The following DLGAP5 variants were observed in gnomAD, a reference collection of about 807,000 sequenced individuals.
DLGAP5 encodes disks large-associated protein 5.
Under a neutral mutation model 99.6 loss-of-function variants are expected in DLGAP5, and 90 were observed. That is an observed-to-expected ratio of 0.90 (90% CI 0.76 to 1.08). The LOEUF (loss-of-function observed/expected upper bound fraction) is 1.08. Ranked by LOEUF, DLGAP5 falls within the 50% of genes least tolerant of loss-of-function variation. The pLI is 0.00. For synonymous variants in DLGAP5, 311 were observed against 321.3 expected, an observed-to-expected ratio of 0.97 and a Z score of 0.34; for missense variants, 1,036 against 983.5, an observed-to-expected ratio of 1.05 and a Z score of -0.71.
At chr14:55,190,289 T>TACACAC (rs142940996) in intron 1 of DLGAP5, among the ~76,000 whole-genome samples, 9,347 of 147,354 alleles carry the variant, frequency 0.063, 289 homozygotes, top group South Asian at 0.084. Context: ...AGAAAAGCCA[T>TACACAC]ACACACACAC....
At chr14:55,156,670 A>G (rs2140307130) in intron 14 of DLGAP5, among the ~76,000 whole-genome samples, 1 of 152,378 alleles carries the variant, frequency 6.6e-6, no homozygotes, top group African/African-American at 2.4e-5. Flanking sequence ...GTGAGAGATC[A>G]CCAGATTCCC....
intron 3 of DLGAP5, 138 bp from the exon 4 acceptor site, chr14:55,182,570 C>T: frequency 3.4e-6 from 2 of 590,210 alleles, no homozygotes; most frequent in Non-Finnish European, 2.8e-6. Flanking sequence ...TACTTAAATT[C>T]CTTTTTCTGG....
chr14:55,160,067 G>A (rs539661241), intron 13 of DLGAP5, among the ~76,000 whole-genome samples: 15 of 152,172 alleles, frequency 9.9e-5, no homozygotes, highest in African/African-American at 3.4e-4. Context: ...AGCTGGGCAA[G>A]GTGGCACATG....
In DLGAP5 at chr14:55,150,031, T is replaced by C. The variant is rs543515992; in HGVS notation, c.2418+768A>G. The stretch of plus-strand genomic sequence containing the variant: ...TCACACCATTGTACCCCAGCCTGGG[T>C]GCAAGAGTGAAACTCTGTCTCAAAA... On this transcript the variant is annotated intron_variant, in intron 18 of 18. Transcript: ENST00000247191. 3.5e-5 allele frequency among the ~76,000 whole-genome samples: 5 copies of C among 144,562 alleles called. No homozygotes were observed. In the East Asian group the frequency reaches 1.0e-3, roughly 29 times the overall value. 94.8% of individuals were successfully genotyped at this position (144,562 alleles called of 152,430 possible).
chr14:55,158,653 T>C lies in DLGAP5; in HGVS notation c.1742A>G (p.Asn581Ser), dbSNP rs773805210. ...AARNRLAAIK[N>S]AMRERIRQEE... ...CTGCCTAATTCTCTCTCTCATTGCA[T>C]TTTTTATGGCAGCTAGGCGATTTCT... The change falls in exon 14 of 19, where the codon AAT becomes AGT. Residue 581 changes from asparagine to serine, a missense_variant. By Grantham distance (46) the Asn-to-Ser change is conservative. Transcript: ENST00000247191. 1.9e-5 allele frequency: 31 copies of C among 1,613,988 alleles called. No individual in the cohort carries two copies. The highest frequency in any genetic ancestry group is 2.5e-5 in the Non-Finnish European group (30 of 1,179,982).
intron 8 of DLGAP5, 90 bp from the exon 9 acceptor site, chr14:55,176,108 G>T (rs987219255): frequency 3.5e-6 from 4 of 1,153,446 alleles, no homozygotes; most frequent in Non-Finnish European, 4.7e-6. Context: ...TTGTAGATCT[G>T]GGCTAAAATA....
At chr14:55,170,629 AT>A in intron 11 of DLGAP5, 72 bp downstream of exon 11, 1 of 1,324,962 alleles carries the variant, frequency 7.5e-7, no homozygotes, top group Non-Finnish European at 1.1e-6. Flanking sequence ...GCAATGCTAT[AT>A]TTTTATGTTT....
At position 55,158,732 on chromosome 14, in the gene DLGAP5, C is replaced by G. The variant is rs1457904838; in HGVS notation, c.1663G>C (p.Val555Leu). ...MNKNVFRKKV[V>L]SGIASKPKQD... is the part of the protein sequence containing the mutation. ...TTTGGTTTACTTGCTATACCTGAGACAACTTTTTTCTGCAAAGAGAAACTA... is the reference window on the plus strand; with the variant it reads ...TTTGGTTTACTTGCTATACCTGAGAGAACTTTTTTCTGCAAAGAGAAACTA... Residue 555 changes from valine (V) to leucine (L), a missense_variant, in exon 14 of 19, where the codon GTC (valine) becomes CTC (leucine). Transcript: ENST00000247191. 6.2e-7 allele frequency: 1 copy of G among 1,612,708 alleles called. No individual in the cohort carries two copies. Among genetic ancestry groups the G allele is most frequent in the Non-Finnish European group, 8.5e-7 (1 of 1,179,036 alleles).
chr14:55,151,983 T>C (rs1882035695), intron 16 of DLGAP5, 42 bp from the exon 17 acceptor site: 2 of 1,567,672 alleles, frequency 1.3e-6, no homozygotes, highest in Non-Finnish European at 1.7e-6. Context: ...TCAATTTAAT[T>C]ACTTGGAACA....
At chr14:55,151,967 T>C (rs780695791) in intron 16 of DLGAP5, 26 bp from the exon 17 acceptor site, 1 of 1,586,158 alleles carries the variant, frequency 6.3e-7, no homozygotes, top group Non-Finnish European at 8.6e-7. Context: ...GCATTATATT[T>C]AATTATCAAT....
chr14:55,175,326 C>T lies in DLGAP5; in HGVS notation c.1301+20G>A, dbSNP rs763666070. ...TAGATATTAATACAAAATTCTTACACTAGAAACACACAGACATACCTGAAA... is the reference window on the plus strand; with the variant it reads ...TAGATATTAATACAAAATTCTTACATTAGAAACACACAGACATACCTGAAA... On this transcript the variant is annotated intron_variant, in intron 10 of 18. Transcript: ENST00000247191. The T allele has an allele frequency of 1.9e-6, 3 of 1,598,354 alleles. No individual in the cohort carries two copies. The East Asian group carries it at 6.8e-5, about 36-fold the overall frequency.
At chr14:55,164,921 CAAA>C (rs764017142) in intron 12 of DLGAP5, among the ~76,000 whole-genome samples, 4 of 39,198 alleles carry the variant, frequency 1.0e-4, no homozygotes, top group Non-Finnish European at 1.4e-4. Context: ...GACTCTGTCT[CAAA>C]AAAAAAAAAA....
intron 10 of DLGAP5, among the ~76,000 whole-genome samples, chr14:55,171,025 G>T (rs1202933256): frequency 1.3e-5 from 2 of 152,132 alleles, no homozygotes; most frequent in African/African-American, 4.8e-5. Context: ...ATAATACCAA[G>T]AACCTACTTT....
intron 14 of DLGAP5, among the ~76,000 whole-genome samples, chr14:55,158,278 TAGAA>T (rs1405909375): frequency 6.6e-6 from 1 of 152,352 alleles, no homozygotes; most frequent in East Asian, 1.9e-4. Context: ...TGAAATCACT[TAGAA>T]AGTAGAAAAG....
rs747521730 is a variant in DLGAP5, at chr14:55,170,684, A to T, written c.1387+18T>A. ...GTAAAAGAAACAAAGCAAACAAAAA[A>T]TACAAATGTTGCCTCACCATCATCT... On this transcript the variant is annotated intron_variant, in intron 11 of 18. Transcript: ENST00000247191. 6.2e-7 allele frequency: 1 copy of T among 1,600,626 alleles called. No homozygotes were observed. The highest frequency in any genetic ancestry group is 1.1e-5 in the South Asian group (1 of 90,256).
intron 12 of DLGAP5, among the ~76,000 whole-genome samples, chr14:55,165,141 C>T (rs1005371833): frequency 2.6e-5 from 4 of 152,072 alleles, no homozygotes; most frequent in African/African-American, 9.7e-5. Flanking sequence ...AAAAGATTTA[C>T]ACAGACATCT....
rs188445876 is a variant in DLGAP5 at position 55,176,436 on chromosome 14, A to C, written c.1050-418T>G. On this transcript the variant is annotated intron_variant, in intron 8 of 18. Transcript: ENST00000247191. ...ACTAAGCCAGAAGAAAATGAGGAAA[A>C]AGTCGTATCTGAGCTAAAGCAGTAT... Among the ~76,000 whole-genome samples the C allele has an allele frequency of 5.5e-3, 841 of 152,310 alleles. 6 individuals are homozygous for C. The highest frequency in any genetic ancestry group is 9.6e-3 in the Non-Finnish European group (651 of 68,030).
chr14:55,172,560 G>C (rs1034979311), intron 10 of DLGAP5, among the ~76,000 whole-genome samples: 2 of 152,002 alleles, frequency 1.3e-5, no homozygotes, highest in African/African-American at 4.8e-5. Context: ...GGAAGTCAAG[G>C]CTGCAGTGAG....
At chr14:55,175,774 C>G (rs1366507789) in intron 9 of DLGAP5, 120 bp downstream of exon 9, 2 of 925,010 alleles carry the variant, frequency 2.2e-6, no homozygotes, top group African/African-American at 3.3e-5. Flanking sequence ...AAAAGAGCTC[C>G]AAACAAATCT....
Sources: gnomAD v4.1 joint callset for allele counts (sites outside exome capture counted in the v4.1 genomes callset) on GRCh38, gnomAD v4.1.1 for gene constraint, MANE v1.5 for transcripts, NCBI Gene and HGNC (gene_info 2026-07-23, HGNC 2026-07-21) for gene names.